Variants in KCNG2 observed in about 807,000 individuals in gnomAD.
The protein encoded by KCNG2 is voltage-gated potassium channel regulatory subunit KCNG2.
In KCNG2, 7 loss-of-function variants were observed where a neutral mutation model predicts 12.3. The ratio of observed to expected loss-of-function variants is 0.57; its 90% CI spans 0.32 to 1.07. KCNG2 has a LOEUF of 1.07. Ranked by LOEUF, KCNG2 falls within the 50% of genes least tolerant of loss-of-function variation. KCNG2 has a pLI of 0.04. For synonymous variants in KCNG2, 414 were observed against 351.4 expected, an observed-to-expected ratio of 1.18 and a Z score of -1.99; for missense variants, 703 against 726.0, an observed-to-expected ratio of 0.97 and a Z score of 0.36.
chr18:79,875,446 T>C (rs537184517), intron 3 of KCNG2, among the ~76,000 whole-genome samples: 43 of 152,348 alleles, frequency 2.8e-4, no homozygotes, highest in African/African-American at 9.1e-4. Context: ...AAAGAGATTG[T>C]TTCCCTAAAT....
At chr18:79,876,562 G>A (rs146128505) in intron 3 of KCNG2, among the ~76,000 whole-genome samples, 48 of 152,350 alleles carry the variant, frequency 3.2e-4, no homozygotes, top group African/African-American at 7.7e-4. Context: ...ATTCTGTCCC[G>A]GGAAGGATGC....
At chr18:79,881,640 C>T (rs940406535) in intron 3 of KCNG2, among the ~76,000 whole-genome samples, 4 of 152,346 alleles carry the variant, frequency 2.6e-5, no homozygotes, top group South Asian at 2.1e-4. Context: ...GCAGTGCTCA[C>T]GCGCTGAAGA....
intron 2 of KCNG2, among the ~76,000 whole-genome samples, 26 bp downstream of exon 2, chr18:79,856,478 C>T (rs185404641): frequency 4.6e-4 from 70 of 152,314 alleles, no homozygotes; most frequent in Non-Finnish European, 7.4e-4. Flanking sequence ...GCCAGAAGGG[C>T]AAGAAACCTC....
chr18:79,810,821 T>A (rs1599365068), intron 1 of KCNG2, among the ~76,000 whole-genome samples: 1 of 152,214 alleles, frequency 6.6e-6, no homozygotes, highest in South Asian at 2.1e-4. Context: ...ATATGCACAG[T>A]CTCTGAATGA....
intron 2 of KCNG2, among the ~76,000 whole-genome samples, chr18:79,859,827 T>C (rs1040848001): frequency 6.6e-6 from 1 of 152,236 alleles, no homozygotes; most frequent in African/African-American, 2.4e-5. Flanking sequence ...CATTGATTTT[T>C]ATGTCTCTCT....
intron 3 of KCNG2, among the ~76,000 whole-genome samples, chr18:79,872,858 G>A (rs1015943459): frequency 2.0e-5 from 3 of 152,218 alleles, no homozygotes; most frequent in African/African-American, 7.2e-5. Context: ...ATCACACAGC[G>A]AGGTCTCTCT....
In KCNG2 at chr18:79,899,819, C is replaced by T; in HGVS notation, c.*3C>T. The T allele has an allele frequency of 1.5e-6, 2 of 1,362,362 alleles. No homozygotes were observed. The highest frequency in any genetic ancestry group is 3.0e-5 in the East Asian group (1 of 33,270). 84.4% of individuals were successfully genotyped at this position (1,362,362 alleles called of 1,614,324 possible). A position where few individuals can be genotyped will look rare whatever the true frequency, so the allele number is the denominator to read the frequency against. On this transcript the variant is annotated 3_prime_UTR_variant, in exon 4 of 4. Transcript: ENST00000316249. ...TGTGGGTGCGGGCAGGGCGCTGACG[C>T]CTGCGCCGCCCACACGGAGACCCCC...
In KCNG2 at chr18:79,864,319, C is replaced by G. The variant is rs1019351950; in HGVS notation, c.624+28C>G. On this transcript the variant is annotated intron_variant, in intron 3 of 3. Transcript: ENST00000316249. ...GAGCGCGGCCGGGGGTGGCGGGGACCGGGCCGGAGCTGGGGCTGGGCTGGG... is the reference window on the plus strand; with the variant it reads ...GAGCGCGGCCGGGGGTGGCGGGGACGGGGCCGGAGCTGGGGCTGGGCTGGG... 4 of 1,157,358 alleles carry G rather than the reference C, an allele frequency of 3.5e-6. No individual in the cohort carries two copies. The East Asian group carries it at 2.7e-4, about 78-fold the overall frequency. 71.7% of individuals were successfully genotyped at this position (1,157,358 alleles called of 1,614,324 possible). A position where few individuals can be genotyped will look rare whatever the true frequency, so the allele number is the denominator to read the frequency against.
In KCNG2 at chr18:79,849,104, C is replaced by T. The variant is rs1203754675; in HGVS notation, c.-114-7275C>T. Among the ~76,000 whole-genome samples the T allele has an allele frequency of 2.0e-5, 3 of 152,234 alleles. No individual in the cohort carries two copies. In the East Asian group the frequency reaches 5.8e-4, roughly 29 times the overall value. ...CACTCGGCCGCTCTGCACGCCAGGC[C>T]CCGCCTCCACATCGAGCCCCTCTGC... On this transcript the variant is annotated intron_variant, in intron 1 of 3. Transcript: ENST00000316249.
chr18:79,814,016 G>A (rs568608133), intron 1 of KCNG2, among the ~76,000 whole-genome samples: 12 of 152,318 alleles, frequency 7.9e-5, no homozygotes, highest in South Asian at 6.2e-4. Context: ...ACCTAGCACC[G>A]TCAGCCTTTA....
chr18:79,815,315 C>T (rs1268630207), intron 1 of KCNG2, among the ~76,000 whole-genome samples: 1 of 151,950 alleles, frequency 6.6e-6, no homozygotes, highest in Non-Finnish European at 1.5e-5. Context: ...ATAGCAGACA[C>T]CTGTAGTCCA....
intron 2 of KCNG2, among the ~76,000 whole-genome samples, 141 bp from the exon 3 acceptor site, chr18:79,863,487 G>A (rs1979300915): frequency 6.6e-6 from 1 of 152,246 alleles, no homozygotes; most frequent in Non-Finnish European, 1.5e-5. Context: ...GGCCTGCGGA[G>A]GAGTGGGAAG....
At chr18:79,862,378 G>C (rs1019969652) in intron 2 of KCNG2, among the ~76,000 whole-genome samples, 1 of 152,178 alleles carries the variant, frequency 6.6e-6, no homozygotes, top group Admixed American at 6.5e-5. Flanking sequence ...GGCAGCAAGT[G>C]GTGGGACATA....
At position 79,822,930 on chromosome 18, in the gene KCNG2, G is replaced by A. The variant is rs1250616569; in HGVS notation, c.-115+24916G>A. Reference sequence around the variant, plus strand: ...GGCGTTGGTGTTGCGTGTGGGTGTGGCTCACTTGTGGCATGTGAAGAGCGT... The same window carrying A: ...GGCGTTGGTGTTGCGTGTGGGTGTGACTCACTTGTGGCATGTGAAGAGCGT... On this transcript the variant is annotated intron_variant, in intron 1 of 3. Coordinates refer to ENST00000316249, the MANE Select transcript of KCNG2 (RefSeq NM_012283.2). The surrounding 1 kb of genome is among the most constrained non-coding windows in gnomAD (Gnocchi z 4.4). Among the ~76,000 whole-genome samples the A allele has an allele frequency of 6.6e-6, 1 of 152,196 alleles. No individual in the cohort carries two copies. The highest frequency in any genetic ancestry group is 1.5e-5 in the Non-Finnish European group (1 of 68,032).
chr18:79,896,458 T>G (rs915174211), intron 3 of KCNG2, among the ~76,000 whole-genome samples: 10 of 152,232 alleles, frequency 6.6e-5, no homozygotes, highest in African/African-American at 2.4e-4. Flanking sequence ...TTGTTACAAT[T>G]GTTGCTTTTG....
chr18:79,872,456 G>A (rs762803999), intron 3 of KCNG2, among the ~76,000 whole-genome samples: 2 of 151,854 alleles, frequency 1.3e-5, no homozygotes, highest in Admixed American at 6.6e-5. Flanking sequence ...GCTAATTTTT[G>A]TGTATTTTTA....
chr18:79,873,035 A>G (rs1169483357), intron 3 of KCNG2, among the ~76,000 whole-genome samples: 1 of 152,140 alleles, frequency 6.6e-6, no homozygotes. Flanking sequence ...GAGGCTCACA[A>G]AAGGACCTGC....
At chr18:79,829,080 G>A (rs111164334) in intron 1 of KCNG2, among the ~76,000 whole-genome samples, 1 of 50,246 alleles carries the variant, frequency 2.0e-5, no homozygotes, top group African/African-American at 4.6e-5. Context: ...ATGTGTCTGT[G>A]TGTGGGTGTC....
chr18:79,836,795 C>A (rs1356407200), intron 1 of KCNG2, among the ~76,000 whole-genome samples: 2 of 152,140 alleles, frequency 1.3e-5, no homozygotes, highest in Non-Finnish European at 2.9e-5. Flanking sequence ...GGGAAACCAA[C>A]CCCGTAATCC....
Sources: gnomAD v4.1 joint callset for allele counts (sites outside exome capture counted in the v4.1 genomes callset) on GRCh38, gnomAD v4.1.1 for gene constraint, Gnocchi (gnomAD v3.1) non-coding constraint, MANE v1.5 for transcripts, NCBI Gene and HGNC (gene_info 2026-07-23, HGNC 2026-07-21) for gene names.